The following ZGRF1 variants were observed in gnomAD, a reference collection of about 807,000 sequenced individuals.
ZGRF1 encodes the protein 5'-3' DNA helicase ZGRF1.
In ZGRF1, 196 loss-of-function variants were observed where a neutral mutation model predicts 203.5. That is an observed-to-expected ratio of 0.96 (90% CI 0.86 to 1.08). The LOEUF is 1.08. ZGRF1 is among the 50% of genes least tolerant of loss of function. ZGRF1 has a pLI of 0.00. For missense variants in ZGRF1, 2,326 were observed against 2,416.3 expected, an observed-to-expected ratio of 0.96 and a Z score of 0.78; for synonymous variants, 809 against 841.3, an observed-to-expected ratio of 0.96 and a Z score of 0.66.
In ZGRF1 at chr4:112,589,847, T is replaced by TAG; in HGVS notation, c.3002_3003dup (p.Thr1002LeufsTer3). The TAG allele has an allele frequency of 6.2e-7, 1 of 1,607,096 alleles. No homozygotes were observed. Among genetic ancestry groups the TAG allele is most frequent in the Non-Finnish European group, 8.5e-7 (1 of 1,177,578 alleles). ...GAAAAGGTAGAAACAGGGCTCAATG[T>TAG]AGAGATGTTTTCTTCTGGTGATGTC... On this transcript the variant is annotated frameshift_variant, in exon 11 of 28. Coordinates refer to ENST00000505019, the MANE Select transcript of ZGRF1 (RefSeq NM_018392.5). LOFTEE classifies it high-confidence loss of function.
chr4:112,596,244 G>A (rs1338251719), intron 10 of ZGRF1, among the ~76,000 whole-genome samples: 1 of 152,106 alleles, frequency 6.6e-6, no homozygotes, highest in Non-Finnish European at 1.5e-5. Context: ...TTAAGAAGAT[G>A]GGGAATAGTA....
At chr4:112,630,436 T>G (rs953572255) in intron 3 of ZGRF1, among the ~76,000 whole-genome samples, 1 of 152,020 alleles carries the variant, frequency 6.6e-6, no homozygotes, top group Non-Finnish European at 1.5e-5. Context: ...GAGAATCACC[T>G]GAACCTGGGA....
chr4:112,596,898 C>T, intron 10 of ZGRF1, among the ~76,000 whole-genome samples: 1 of 151,906 alleles, frequency 6.6e-6, no homozygotes, highest in Non-Finnish European at 1.5e-5. Context: ...CTGTGCATGG[C>T]CAGGAATTTT....
At chr4:112,572,486 G>A (rs1744382244) in intron 16 of ZGRF1, among the ~76,000 whole-genome samples, 1 of 152,090 alleles carries the variant, frequency 6.6e-6, no homozygotes, top group Non-Finnish European at 1.5e-5. Flanking sequence ...TTTGGCTTAG[G>A]CTAAGACTTC....
intron 10 of ZGRF1, among the ~76,000 whole-genome samples, chr4:112,597,734 A>T (rs935611114): frequency 6.0e-5 from 9 of 151,222 alleles, no homozygotes; most frequent in African/African-American, 2.2e-4. Flanking sequence ...CCAAAAAAAA[A>T]TTAGCTGGAC....
At chr4:112,558,844 T>C (rs1471180464) in intron 19 of ZGRF1, among the ~76,000 whole-genome samples, 1 of 152,226 alleles carries the variant, frequency 6.6e-6, no homozygotes, top group African/African-American at 2.4e-5. Flanking sequence ...CAAGGAATAA[T>C]TAGAAATAAG....
At chr4:112,562,295 C>A in intron 18 of ZGRF1, 76 bp downstream of exon 18, 1 of 786,396 alleles carries the variant, frequency 1.3e-6, no homozygotes, top group Admixed American at 2.1e-5. Flanking sequence ...ATATACTGTA[C>A]TTTTATTGAA....
At chr4:112,549,736 T>C (rs1025723058) in intron 22 of ZGRF1, among the ~76,000 whole-genome samples, 2 of 152,080 alleles carry the variant, frequency 1.3e-5, no homozygotes, top group Admixed American at 1.3e-4. Context: ...ACATTTACTA[T>C]AGTATACTTT....
Position 112,565,619 on chromosome 4 carries a change from G to C in ZGRF1, c.4439-2345C>G, listed in dbSNP as rs193164774. 2.1e-3 allele frequency among the ~76,000 whole-genome samples: 313 copies of C among 152,012 alleles called. 3 individuals are homozygous for C. The highest frequency in any genetic ancestry group is 7.3e-3 in the African/African-American group (301 of 41,460). On this transcript the variant is annotated intron_variant, in intron 16 of 27. Coordinates refer to ENST00000505019, the MANE Select transcript of ZGRF1 (RefSeq NM_018392.5). ...TCATCTGACAAAGGGCTAATATCCA[G>C]AATCTACGATGAACTCCAACAAATT...
chr4:112,564,410 T>C (rs1040191569), intron 16 of ZGRF1, among the ~76,000 whole-genome samples: 3 of 152,190 alleles, frequency 2.0e-5, no homozygotes, highest in African/African-American at 7.2e-5. Context: ...AATACCCAAA[T>C]GCATCTGAAT....
intron 3 of ZGRF1, chr4:112,630,028 A>G: frequency 5.5e-6 from 1 of 181,524 alleles, no homozygotes; most frequent in South Asian, 9.0e-5. Flanking sequence ...AAAAAAAGAA[A>G]AAAAAAAAGC....
intron 6 of ZGRF1, among the ~76,000 whole-genome samples, chr4:112,613,078 G>A (rs2046745771): frequency 6.6e-6 from 1 of 152,166 alleles, no homozygotes; most frequent in Admixed American, 6.5e-5. Context: ...CAGATCACTT[G>A]AGGCCAGGAT....
chr4:112,615,065 T>C (rs555077191), intron 6 of ZGRF1, among the ~76,000 whole-genome samples: 116 of 152,290 alleles, frequency 7.6e-4, no homozygotes, highest in African/African-American at 2.6e-3. Context: ...ATGAAAATGT[T>C]CTGACCACAG....
intron 27 of ZGRF1, 77 bp from the exon 28 acceptor site, chr4:112,539,766 C>T: frequency 2.6e-6 from 4 of 1,561,600 alleles, no homozygotes; most frequent in Admixed American, 3.5e-5. Flanking sequence ...AGTTACTTCC[C>T]CCAGCAGAGC....
chr4:112,584,199 C>T, intron 14 of ZGRF1, 25 bp from the exon 15 acceptor site: 1 of 1,475,224 alleles, frequency 6.8e-7, no homozygotes, highest in Admixed American at 2.4e-5. Context: ...AAAAGATCAA[C>T]ATTTAGTGAA....
chr4:112,554,006 C>A (rs1190564249), intron 21 of ZGRF1, 24 bp from the exon 22 acceptor site: 4 of 1,566,210 alleles, frequency 2.6e-6, no homozygotes. Flanking sequence ...TTAAAACACT[C>A]CTCTTTATTC....
chr4:112,600,136 A>G (rs997788187), intron 10 of ZGRF1, among the ~76,000 whole-genome samples: 3 of 152,102 alleles, frequency 2.0e-5, no homozygotes, highest in African/African-American at 7.2e-5. Flanking sequence ...GGCTCAAGCA[A>G]TCCTCCTACC....
At position 112,621,731 on chromosome 4, in the gene ZGRF1, A is replaced by ATT. The variant is rs74975594; in HGVS notation, c.163-1543_163-1542dup. On this transcript the variant is annotated intron_variant, in intron 4 of 27. Coordinates refer to ENST00000505019, the MANE Select transcript of ZGRF1 (RefSeq NM_018392.5). ...AGATTAATATTTTACTAATGAAATG[A>ATT]TTTTTTTTTCTTTGAGATGGAGTTT... Among the ~76,000 whole-genome samples, 1,048 of 148,976 alleles carry ATT rather than the reference A, an allele frequency of 7.0e-3. 32 individuals are homozygous for ATT. In the East Asian group the frequency reaches 0.091, roughly 13 times the overall value.
Position 112,618,688 on chromosome 4 carries a change from A to T in ZGRF1, c.1354T>A (p.Ser452Thr), listed in dbSNP as rs752744006. ...TGAGCATTTTCTTTAATGAGAACTG[A>T]TCCTTTAATGCACCCCTTGTCATTT... ...NQNDKGCIKGSVLIKENAQEV... is the reference protein window; with the variant it reads ...NQNDKGCIKGTVLIKENAQEV... The change falls in exon 6 of 28, where the codon TCA becomes ACA. Residue 452 changes from serine to threonine, a missense_variant. Coordinates refer to ENST00000505019, the MANE Select transcript of ZGRF1 (RefSeq NM_018392.5). 1.6e-5 allele frequency: 26 copies of T among 1,612,310 alleles called. 1 individual carries two copies. In the South Asian group the frequency reaches 2.6e-4, roughly 16 times the overall value.
Sources: allele counts gnomAD v4.1 joint callset (sites outside exome capture counted in the v4.1 genomes callset), GRCh38; gene constraint gnomAD v4.1.1; transcripts MANE v1.5; gene names NCBI Gene and HGNC (gene_info 2026-07-23, HGNC 2026-07-21).